KIRREL1: variants seen among roughly 807,000 people sequenced by gnomAD.
KIRREL1 encodes the protein kin of IRRE-like protein 1.
KIRREL1 carries 25 observed loss-of-function variants against 83.3 expected under a neutral mutation model. The observed-to-expected ratio is 0.30, with a 90% CI of 0.22 to 0.42. KIRREL1 has a LOEUF of 0.42. Among genes scored for constraint, KIRREL1 ranks in the 10% least tolerant of loss-of-function variants. The pLI is 1.00. For missense variants in KIRREL1, 812 were observed against 1,032.3 expected, an observed-to-expected ratio of 0.79 and a Z score of 2.92; for synonymous variants, 388 against 410.4, an observed-to-expected ratio of 0.95 and a Z score of 0.66.
chr1:158,032,146 A>C (rs1002796641), intron 1 of KIRREL1, among the ~76,000 whole-genome samples: 12 of 152,206 alleles, frequency 7.9e-5, no homozygotes, highest in African/African-American at 1.7e-4. Flanking sequence ...AGATAGGACA[A>C]AATTAAGTAT....
chr1:158,000,066 G>GC (rs1659314027), intron 1 of KIRREL1, among the ~76,000 whole-genome samples: 1 of 151,390 alleles, frequency 6.6e-6, no homozygotes, highest in East Asian at 2.0e-4. Flanking sequence ...GGAAAGATGG[G>GC]GTGGGGGCTG....
intron 1 of KIRREL1, among the ~76,000 whole-genome samples, chr1:158,043,652 C>A (rs1660701028): frequency 6.6e-6 from 1 of 152,228 alleles, no homozygotes; most frequent in Non-Finnish European, 1.5e-5. Context: ...TACCCCATTA[C>A]CATGAGTTCT....
At chr1:158,010,874 AATT>A (rs2101636498) in intron 1 of KIRREL1, among the ~76,000 whole-genome samples, 1 of 152,318 alleles carries the variant, frequency 6.6e-6, no homozygotes, top group African/African-American at 2.4e-5. Context: ...CAAGAGGAGA[AATT>A]ATAAGAAGGG....
intron 1 of KIRREL1, among the ~76,000 whole-genome samples, chr1:158,069,254 G>T (rs894205426): frequency 6.6e-6 from 1 of 151,952 alleles, no homozygotes; most frequent in South Asian, 2.1e-4. Context: ...AAATGCATGC[G>T]CTTGTGTGTT....
chr1:158,075,314 C>T lies in KIRREL1; in HGVS notation c.53-799C>T, dbSNP rs529146858. 2.6e-5 allele frequency among the ~76,000 whole-genome samples: 4 copies of T among 152,352 alleles called. No individual in the cohort carries two copies. In the East Asian group the frequency reaches 7.7e-4, roughly 29 times the overall value. On this transcript the variant is annotated intron_variant, in intron 1 of 14. Transcript: ENST00000359209. ...CAGCCGGGCAGCCATGTGTAGCTCC[C>T]ACAGCCGGAGGGAGAGTGGAACAAA...
chr1:158,085,981 G>A (rs1211359024), intron 4 of KIRREL1, among the ~76,000 whole-genome samples: 1 of 152,210 alleles, frequency 6.6e-6, no homozygotes, highest in Non-Finnish European at 1.5e-5. Flanking sequence ...AATTCAGTCT[G>A]GGAGAGAGTT....
At chr1:158,035,165 TC>T (rs1384808352) in intron 1 of KIRREL1, among the ~76,000 whole-genome samples, 1 of 152,190 alleles carries the variant, frequency 6.6e-6, no homozygotes, top group Non-Finnish European at 1.5e-5. Flanking sequence ...CTATTCAGGC[TC>T]CCTCTCTGCC....
intron 5 of KIRREL1, 39 bp downstream of exon 5, chr1:158,086,785 G>A (rs886138627): frequency 6.6e-6 from 10 of 1,523,742 alleles, no homozygotes; most frequent in Middle Eastern, 1.7e-4. Flanking sequence ...GCAGGGGGGT[G>A]GAAGAAGGGG....
intron 3 of KIRREL1, among the ~76,000 whole-genome samples, chr1:158,078,569 G>A (rs919016721): frequency 2.6e-5 from 4 of 152,066 alleles, no homozygotes; most frequent in African/African-American, 9.7e-5. Flanking sequence ...AACGGCCCCC[G>A]TGCCCCTCCT....
At chr1:158,085,157 A>G (rs1356336549) in intron 4 of KIRREL1, among the ~76,000 whole-genome samples, 1 of 152,230 alleles carries the variant, frequency 6.6e-6, no homozygotes, top group East Asian at 1.9e-4. Flanking sequence ...GCCATGAAAG[A>G]TATCAAGTGA....
chr1:158,052,542 G>A (rs1660936229), intron 1 of KIRREL1, among the ~76,000 whole-genome samples: 1 of 152,018 alleles, frequency 6.6e-6, no homozygotes. Context: ...CACTTTGGGA[G>A]GCCAAGGCAG....
chr1:158,078,023 G>A lies in KIRREL1; in HGVS notation c.235G>A (p.Asp79Asn). 1 of 1,614,188 alleles carries A rather than the reference G, an allele frequency of 6.2e-7. No individual in the cohort carries two copies. Among genetic ancestry groups the A allele is most frequent in the South Asian group, 1.1e-5 (1 of 91,074 alleles). The change falls in exon 3 of 15, where the codon GAC becomes AAC. Residue 79 changes from aspartate (D) to asparagine (N), a missense_variant. Physicochemically the swap from Asp to Asn is conservative, Grantham distance 23 (BLOSUM62 1). Transcript: ENST00000359209. ...ACGGTACCGGGTTGTGGGCTCCGCA[G>A]ACGCTGGGCAGTACAACCTGGAGAT... The part of the protein sequence containing the change: ...WPRYRVVGSA[D>N]AGQYNLEITD...
At chr1:158,061,374 G>C (rs373962580) in intron 1 of KIRREL1, among the ~76,000 whole-genome samples, 1 of 152,338 alleles carries the variant, frequency 6.6e-6, no homozygotes, top group Admixed American at 6.5e-5. Flanking sequence ...CAGAGGCGGA[G>C]GGATGAGAGA....
At chr1:158,032,222 G>T (rs1660348410) in intron 1 of KIRREL1, among the ~76,000 whole-genome samples, 1 of 152,230 alleles carries the variant, frequency 6.6e-6, no homozygotes, top group Non-Finnish European at 1.5e-5. Context: ...TCAGGGTTGA[G>T]AAGTCAGGGG....
intron 1 of KIRREL1, among the ~76,000 whole-genome samples, chr1:158,072,082 G>C (rs186774768): frequency 1.3e-5 from 2 of 152,102 alleles, no homozygotes; most frequent in African/African-American, 2.4e-5. Context: ...TCCAGAGCCT[G>C]TTTCCCTTGC....
At chr1:158,030,376 A>T (rs1660290508) in intron 1 of KIRREL1, among the ~76,000 whole-genome samples, 1 of 152,240 alleles carries the variant, frequency 6.6e-6, no homozygotes, top group Admixed American at 6.5e-5. Context: ...GAATTTCAAA[A>T]GTCTAAACCA....
At chr1:158,041,754 A>G (rs1249441166) in intron 1 of KIRREL1, among the ~76,000 whole-genome samples, 2 of 152,162 alleles carry the variant, frequency 1.3e-5, no homozygotes, top group African/African-American at 4.8e-5. Context: ...ATGGTGAACA[A>G]GTCTCCCCTC....
chr1:158,049,843 G>A (rs1660866934), intron 1 of KIRREL1, among the ~76,000 whole-genome samples: 1 of 152,090 alleles, frequency 6.6e-6, no homozygotes, highest in Non-Finnish European at 1.5e-5. Flanking sequence ...ATGAGGGTAG[G>A]GAGGTAGTGG....
At chr1:157,995,240 C>T (rs968771176) in intron 1 of KIRREL1, among the ~76,000 whole-genome samples, 1 of 152,132 alleles carries the variant, frequency 6.6e-6, no homozygotes, top group Admixed American at 6.5e-5. Context: ...GGTGGGGGCA[C>T]GTCTTGATTC....
Sources: allele counts gnomAD v4.1 joint callset (sites outside exome capture counted in the v4.1 genomes callset), GRCh38; gene constraint gnomAD v4.1.1; transcripts MANE v1.5; gene names NCBI Gene and HGNC (gene_info 2026-07-23, HGNC 2026-07-21).